Variants in GRID1 observed in about 807,000 individuals in gnomAD.
GRID1 encodes the protein glutamate ionotropic receptor delta type subunit 1, also known as glutamate receptor ionotropic, delta-1.
A neutral mutation model predicts 98.0 loss-of-function variants in GRID1; 28 were observed. The observed-to-expected ratio is 0.29, with a 90% CI of 0.21 to 0.39. GRID1 has a LOEUF of 0.39. Among genes scored for constraint, GRID1 ranks in the 10% least tolerant of loss-of-function variants. The probability of loss-of-function intolerance (pLI) is 1.00; values close to 1 mark genes in which losing one functional copy is unlikely to be tolerated. For synonymous variants in GRID1, 553 were observed against 538.5 expected, an observed-to-expected ratio of 1.03 and a Z score of -0.37; for missense variants, 1,111 against 1,340.5, an observed-to-expected ratio of 0.83 and a Z score of 2.67.
chr10:85,776,997 CATT>C (rs1842337609), intron 8 of GRID1, among the ~76,000 whole-genome samples: 1 of 152,210 alleles, frequency 6.6e-6, no homozygotes, highest in African/African-American at 2.4e-5. Context: ...CAGCTGAAAT[CATT>C]ATCTGGATAA....
In GRID1 at chr10:86,344,319, C is replaced by T. The variant is rs570137253; in HGVS notation, c.235+19622G>A. 5.9e-5 allele frequency among the ~76,000 whole-genome samples: 9 copies of T among 152,332 alleles called. No individual in the cohort carries two copies. The South Asian group carries it at 1.0e-3, about 18-fold the overall frequency. Reference sequence around the variant, plus strand: ...TCCTACAGATGAGGAAACTGAGGCTCAGATATGTAGAGGAACATGCACTGA... The same window carrying T: ...TCCTACAGATGAGGAAACTGAGGCTTAGATATGTAGAGGAACATGCACTGA... On this transcript the variant is annotated intron_variant, in intron 2 of 15. Coordinates refer to ENST00000327946, the MANE Select transcript of GRID1 (RefSeq NM_017551.3).
chr10:86,344,409 G>C (rs1848353969), intron 2 of GRID1, among the ~76,000 whole-genome samples: 1 of 152,214 alleles, frequency 6.6e-6, no homozygotes, highest in Admixed American at 6.5e-5. Flanking sequence ...CAGTGTCAAA[G>C]ATGATTCAGA....
intron 2 of GRID1, among the ~76,000 whole-genome samples, chr10:86,305,466 C>T (rs1847746846): frequency 6.6e-6 from 1 of 152,236 alleles, no homozygotes; most frequent in Non-Finnish European, 1.5e-5. Flanking sequence ...GTTGTTACTG[C>T]ATAACCATGT....
chr10:85,613,108 A>C, intron 15 of GRID1: 3 of 384,494 alleles, frequency 7.8e-6, no homozygotes, highest in Non-Finnish European at 1.4e-5. Context: ...GGGGCAGGGT[A>C]GGGAAGGGCT....
intron 8 of GRID1, among the ~76,000 whole-genome samples, chr10:85,751,640 A>AT (rs747918772): frequency 2.0e-4 from 30 of 152,100 alleles, no homozygotes; most frequent in Non-Finnish European, 3.7e-4. Flanking sequence ...AAACTATATT[A>AT]TTTAAAAAAG....
intron 4 of GRID1, among the ~76,000 whole-genome samples, chr10:86,061,098 C>A (rs1045144679): frequency 5.3e-5 from 8 of 152,170 alleles, no homozygotes; most frequent in Admixed American, 1.3e-4. Flanking sequence ...CTTCTCCCAC[C>A]CCCACCTCCT....
intron 13 of GRID1, among the ~76,000 whole-genome samples, chr10:85,643,499 A>AG (rs1843148380): frequency 6.6e-6 from 1 of 152,170 alleles, no homozygotes; most frequent in African/African-American, 2.4e-5. Context: ...CAGGGAGCAG[A>AG]GGGGCCGCTC....
intron 12 of GRID1, among the ~76,000 whole-genome samples, chr10:85,666,154 C>T (rs1048151621): frequency 1.2e-4 from 19 of 152,200 alleles, no homozygotes; most frequent in African/African-American, 4.6e-4. Flanking sequence ...ATTTATTATG[C>T]ACTAAATTTC....
chr10:85,772,406 A>G (rs1461850706), intron 8 of GRID1, among the ~76,000 whole-genome samples: 3 of 150,480 alleles, frequency 2.0e-5, no homozygotes, highest in African/African-American at 7.5e-5. Flanking sequence ...TGTCACAATT[A>G]AAAGAACTAG....
intron 8 of GRID1, among the ~76,000 whole-genome samples, chr10:85,734,331 G>T (rs1207212822): frequency 6.6e-6 from 1 of 152,082 alleles, no homozygotes; most frequent in African/African-American, 2.4e-5. Context: ...TGAGAAAGAG[G>T]AGCAGCTTCA....
At chr10:85,744,236 A>G (rs956679769) in intron 8 of GRID1, among the ~76,000 whole-genome samples, 7 of 152,202 alleles carry the variant, frequency 4.6e-5, no homozygotes, top group Non-Finnish European at 1.0e-4. Flanking sequence ...CTTCTCTGTT[A>G]GACAACAGAA....
chr10:86,329,975 T>C (rs1475726207), intron 2 of GRID1, among the ~76,000 whole-genome samples: 5 of 152,066 alleles, frequency 3.3e-5, no homozygotes, highest in African/African-American at 1.2e-4. Flanking sequence ...CACACTCTGA[T>C]CTCGAGGATG....
chr10:85,969,072 G>A lies in GRID1; in HGVS notation c.727-52833C>T, dbSNP rs139927534. Among the ~76,000 whole-genome samples the A allele has an allele frequency of 5.9e-5, 9 of 152,228 alleles. No homozygotes were observed. In the East Asian group the frequency reaches 1.7e-3, roughly 29 times the overall value. ...TAATAGCAGACAAAATAGACTTTAA[G>A]ACAAAAGTGCTATTGAACACAAAAG... On this transcript the variant is annotated intron_variant, in intron 4 of 15. Coordinates refer to ENST00000327946, the MANE Select transcript of GRID1 (RefSeq NM_017551.3).
chr10:86,363,894 C>A (rs748676942), intron 2 of GRID1, 47 bp downstream of exon 2: 114 of 1,555,682 alleles, frequency 7.3e-5, no homozygotes, highest in Non-Finnish European at 1.0e-4. Flanking sequence ...TGCTGCGACG[C>A]CTCGCAGGCC....
At chr10:86,026,427 A>C (rs1843118110) in intron 4 of GRID1, among the ~76,000 whole-genome samples, 1 of 152,190 alleles carries the variant, frequency 6.6e-6, no homozygotes, top group South Asian at 2.1e-4. Context: ...CTGCTTGATG[A>C]GCTGTGGCTG....
intron 12 of GRID1, among the ~76,000 whole-genome samples, chr10:85,690,007 A>G (rs965493149): frequency 1.3e-5 from 2 of 152,224 alleles, no homozygotes; most frequent in African/African-American, 4.8e-5. Flanking sequence ...GAAAAGCTGT[A>G]TGTAAAATGA....
At chr10:85,863,041 C>G (rs542073901) in intron 6 of GRID1, among the ~76,000 whole-genome samples, 4 of 152,302 alleles carry the variant, frequency 2.6e-5, no homozygotes, top group Admixed American at 2.0e-4. Context: ...ACCCAACTCC[C>G]CATCGCGTAC....
chr10:85,730,324 T>G (rs1430309392), intron 8 of GRID1, among the ~76,000 whole-genome samples: 4 of 152,210 alleles, frequency 2.6e-5, no homozygotes, highest in Non-Finnish European at 5.9e-5. Flanking sequence ...GAGACACAGT[T>G]GTTCATGAGA....
intron 8 of GRID1, among the ~76,000 whole-genome samples, chr10:85,840,707 G>C (rs1035204462): frequency 1.3e-5 from 2 of 152,070 alleles, no homozygotes; most frequent in African/African-American, 2.4e-5. Context: ...GTAAAGCAGA[G>C]AGCACAATCA....
Sources: allele counts gnomAD v4.1 joint callset (sites outside exome capture counted in the v4.1 genomes callset), GRCh38; gene constraint gnomAD v4.1.1; transcripts MANE v1.5; gene names NCBI Gene and HGNC (gene_info 2026-07-23, HGNC 2026-07-21).